The following HPSE2 variants were observed in gnomAD, a reference collection of about 807,000 sequenced individuals.
HPSE2 encodes inactive heparanase-2.
In HPSE2, 38 loss-of-function variants were observed where a neutral mutation model predicts 60.5. That is an observed-to-expected ratio of 0.63 (90% CI 0.48 to 0.82). The LOEUF is 0.82. Ranked by LOEUF, HPSE2 falls within the 40% of genes least tolerant of loss-of-function variation. HPSE2 has a pLI of 0.00. For missense variants in HPSE2, 713 were observed against 740.4 expected (o/e 0.96, Z 0.43); for synonymous variants, 295 against 293.2 (o/e 1.01, Z -0.06).
At chr10:99,252,593 C>T in the HPSE2 span, among the ~76,000 whole-genome samples, 1 of 151,934 alleles carries the variant, frequency 6.6e-6, no homozygotes, top group African/African-American at 2.4e-5. Flanking sequence ...AAATGAAATA[C>T]CGGCCAGGCG....
At chr10:99,099,454 C>T (rs536988078) in intron 3 of HPSE2, among the ~76,000 whole-genome samples, 5 of 152,302 alleles carry the variant, frequency 3.3e-5, no homozygotes, top group African/African-American at 4.8e-5. Context: ...GAGGGGTGAC[C>T]GCCATTGCTG....
intron 9 of HPSE2, among the ~76,000 whole-genome samples, chr10:98,556,209 C>T (rs1056247691): frequency 1.3e-5 from 2 of 152,136 alleles, no homozygotes; most frequent in African/African-American, 2.4e-5. Context: ...CTACACTGAC[C>T]TCTGGAATGT....
intron 9 of HPSE2, among the ~76,000 whole-genome samples, chr10:98,501,939 C>T (rs1942040379): frequency 6.6e-6 from 1 of 151,792 alleles, no homozygotes; most frequent in African/African-American, 2.4e-5. Context: ...AACTCAACCC[C>T]TTTTACAATA....
At chr10:99,148,113 A>T (rs1413010482) in intron 2 of HPSE2, among the ~76,000 whole-genome samples, 2 of 152,246 alleles carry the variant, frequency 1.3e-5, no homozygotes, top group Non-Finnish European at 2.9e-5. Context: ...AAATTAACAG[A>T]ACCAGAACAT....
chr10:98,686,831 T>A (rs940093346), intron 6 of HPSE2, among the ~76,000 whole-genome samples: 2 of 152,214 alleles, frequency 1.3e-5, no homozygotes, highest in Non-Finnish European at 2.9e-5. Context: ...TTGAGACTTG[T>A]TTTACAGTTG....
chr10:98,588,048 C>T (rs1944984840), intron 9 of HPSE2, among the ~76,000 whole-genome samples: 1 of 152,208 alleles, frequency 6.6e-6, no homozygotes, highest in South Asian at 2.1e-4. Context: ...AGGTCAGATA[C>T]TACTTAGAAC....
chr10:98,991,962 A>G (rs902794821), intron 3 of HPSE2, among the ~76,000 whole-genome samples: 5 of 152,116 alleles, frequency 3.3e-5, no homozygotes, highest in Admixed American at 6.5e-5. Flanking sequence ...CACCATTTTC[A>G]TTTTATCAGT....
At chr10:98,468,005 C>T (rs866922111) in intron 11 of HPSE2, among the ~76,000 whole-genome samples, 3 of 152,248 alleles carry the variant, frequency 2.0e-5, no homozygotes, top group Admixed American at 1.3e-4. Context: ...TCCCCGGCTG[C>T]CCCCGGCCGC....
At chr10:98,626,210 GT>G (rs1445344094) in intron 7 of HPSE2, among the ~76,000 whole-genome samples, 1 of 152,134 alleles carries the variant, frequency 6.6e-6, no homozygotes, top group African/African-American at 2.4e-5. Context: ...AGTCATGGAG[GT>G]GGGGGGTTAA....
Position 99,093,165 on chromosome 10 carries a change from T to C in HPSE2, c.610+51073A>G, listed in dbSNP as rs371555170. ...ATCACTTGAACCCAGGAGGCAGAGG[T>C]TGCAGTGAGCTGAGATCGTGCCACT... On this transcript the variant is annotated intron_variant, in intron 3 of 11. Coordinates refer to ENST00000370552, the MANE Select transcript of HPSE2 (RefSeq NM_021828.5). 8.1e-4 allele frequency among the ~76,000 whole-genome samples: 123 copies of C among 152,066 alleles called. No homozygotes were observed. The East Asian group carries it at 0.023, about 28-fold the overall frequency.
intron 9 of HPSE2, among the ~76,000 whole-genome samples, chr10:98,607,615 C>T (rs1206978448): frequency 6.6e-6 from 1 of 152,168 alleles, no homozygotes; most frequent in Non-Finnish European, 1.5e-5. Flanking sequence ...TTAACCTTTG[C>T]AGTCAATTCC....
At chr10:98,669,289 C>T (rs572041833) in intron 6 of HPSE2, among the ~76,000 whole-genome samples, 5 of 152,228 alleles carry the variant, frequency 3.3e-5, no homozygotes, top group South Asian at 2.1e-4. Flanking sequence ...TTTGTGGGAA[C>T]GCAAATCAGT....
chr10:98,859,479 T>C (rs1243156044), intron 3 of HPSE2, among the ~76,000 whole-genome samples: 2 of 152,170 alleles, frequency 1.3e-5, no homozygotes, highest in African/African-American at 2.4e-5. Flanking sequence ...TGGGCAGGCA[T>C]CATCTAATCC....
At chr10:98,875,976 G>T (rs1952866589) in intron 3 of HPSE2, among the ~76,000 whole-genome samples, 1 of 151,888 alleles carries the variant, frequency 6.6e-6, no homozygotes, top group South Asian at 2.1e-4. Flanking sequence ...ATACAGGTTT[G>T]CTAACTATTG....
At chr10:98,913,708 C>A (rs1954042150) in intron 3 of HPSE2, among the ~76,000 whole-genome samples, 1 of 152,036 alleles carries the variant, frequency 6.6e-6, no homozygotes, top group Non-Finnish European at 1.5e-5. Flanking sequence ...GACTGCCTGC[C>A]CATCATGGCT....
the HPSE2 span, among the ~76,000 whole-genome samples, chr10:99,262,965 G>A: frequency 3.5e-4 from 54 of 152,230 alleles, no homozygotes; most frequent in Middle Eastern, 3.4e-3. Context: ...ACACACAGCC[G>A]AAGTGTGGGG....
chr10:98,499,735 G>A (rs547714280), intron 9 of HPSE2, among the ~76,000 whole-genome samples: 2 of 152,270 alleles, frequency 1.3e-5, no homozygotes, highest in African/African-American at 4.8e-5. Context: ...CAGAACTGTA[G>A]AATGGATAAG....
rs900641195 is a variant in HPSE2 at position 98,530,318 on chromosome 10, A to G, written c.1321-40122T>C. ...CTTCTAGTGGTTCTCAAACTTTAGC[A>G]TGCATAAAGGATCACCCAGAGGGCT... On this transcript the variant is annotated intron_variant, in intron 9 of 11. Transcript: ENST00000370552. 3.3e-5 allele frequency among the ~76,000 whole-genome samples: 5 copies of G among 152,310 alleles called. No individual in the cohort carries two copies. The South Asian group carries it at 1.0e-3, about 32-fold the overall frequency.
At chr10:98,907,870 C>T (rs372385927) in intron 3 of HPSE2, among the ~76,000 whole-genome samples, 16 of 152,322 alleles carry the variant, frequency 1.1e-4, no homozygotes, top group African/African-American at 3.6e-4. Context: ...AATTTCCTTT[C>T]ACTTCCTGTA....
Sources: allele counts gnomAD v4.1 joint callset (sites outside exome capture counted in the v4.1 genomes callset), GRCh38; gene constraint gnomAD v4.1.1; transcripts MANE v1.5; gene names NCBI Gene and HGNC (gene_info 2026-07-23, HGNC 2026-07-21).